NFATC1: variants seen among roughly 807,000 people sequenced by gnomAD.
NFATC1 encodes nuclear factor of activated T-cells, cytoplasmic 1.
Under a neutral mutation model 76.0 loss-of-function variants are expected in NFATC1, and 22 were observed. That is an observed-to-expected ratio of 0.29 (90% CI 0.21 to 0.41). The LOEUF (loss-of-function observed/expected upper bound fraction) is 0.41. NFATC1 is among the 10% of genes least tolerant of loss of function. The probability of loss-of-function intolerance (pLI) is 1.00; values close to 1 mark genes in which losing one functional copy is unlikely to be tolerated. For missense variants in NFATC1, 1,357 were observed against 1,337.7 expected (o/e 1.01, Z -0.23); for synonymous variants, 704 against 613.1 (o/e 1.15, Z -2.19).
At chr18:79,494,827 G>A (rs1248247749) in intron 9 of NFATC1, among the ~76,000 whole-genome samples, 4 of 111,238 alleles carry the variant, frequency 3.6e-5, no homozygotes, top group Non-Finnish European at 5.6e-5. Context: ...AGGCGAGAGC[G>A]GGCACACGCC....
At chr18:79,437,342 C>T (rs1439934823) in intron 3 of NFATC1, among the ~76,000 whole-genome samples, 1 of 152,206 alleles carries the variant, frequency 6.6e-6, no homozygotes, top group Non-Finnish European at 1.5e-5. Flanking sequence ...ACAGAGCCTC[C>T]CAGAGGCTTC....
chr18:79,482,810 CGTG>C (rs1208565915), intron 8 of NFATC1, among the ~76,000 whole-genome samples: 2 of 118,578 alleles, frequency 1.7e-5, no homozygotes, highest in African/African-American at 6.4e-5. Flanking sequence ...GTCACTTCAG[CGTG>C]ACCTGGTCCG....
At chr18:79,476,386 C>T (rs1247581978) in intron 8 of NFATC1, among the ~76,000 whole-genome samples, 1 of 152,252 alleles carries the variant, frequency 6.6e-6, no homozygotes, top group Non-Finnish European at 1.5e-5. Flanking sequence ...CGAGGATTGG[C>T]GAAAGCCGAC....
intron 1 of NFATC1, chr18:79,400,329 G>A (rs990292888): frequency 3.7e-6 from 5 of 1,356,932 alleles, no homozygotes; most frequent in Admixed American, 3.5e-5. Flanking sequence ...GGGCAGCGCC[G>A]GGAGAACCGA....
intron 8 of NFATC1, among the ~76,000 whole-genome samples, chr18:79,482,429 G>A (rs1600876014): frequency 1.4e-5 from 2 of 141,246 alleles, no homozygotes; most frequent in East Asian, 4.5e-4. Flanking sequence ...ATTCCAGCGT[G>A]ACCTGGTCCT....
At chr18:79,508,162 C>T (rs940808281) in intron 9 of NFATC1, among the ~76,000 whole-genome samples, 2 of 152,104 alleles carry the variant, frequency 1.3e-5, no homozygotes, top group Admixed American at 1.3e-4. Context: ...TCTGGGATTC[C>T]CAGACTCCCA....
chr18:79,457,455 G>A (rs2280052), intron 6 of NFATC1, among the ~76,000 whole-genome samples: 32,511 of 152,152 alleles, frequency 0.21, 4,006 homozygotes, highest in East Asian at 0.37. Flanking sequence ...AGGAGGGGCC[G>A]GGCTTCTGGC....
chr18:79,413,703 G>A (rs1375881615), intron 2 of NFATC1, among the ~76,000 whole-genome samples: 3 of 152,244 alleles, frequency 2.0e-5, no homozygotes, highest in Non-Finnish European at 4.4e-5. Context: ...GCCTTTGAAA[G>A]CGCAAGCTCG....
chr18:79,490,475 A>G (rs2089646662), intron 9 of NFATC1, among the ~76,000 whole-genome samples: 1 of 151,892 alleles, frequency 6.6e-6, no homozygotes, highest in South Asian at 2.1e-4. Flanking sequence ...ATGGTGGGGT[A>G]GTCCCTGATA....
At chr18:79,459,082 CT>C (rs981335931) in intron 6 of NFATC1, among the ~76,000 whole-genome samples, 2 of 152,216 alleles carry the variant, frequency 1.3e-5, no homozygotes, top group African/African-American at 4.8e-5. Context: ...CAGCCGGGGT[CT>C]TTGAGGAAGG....
At chr18:79,436,538 C>T (rs670588) in intron 3 of NFATC1, among the ~76,000 whole-genome samples, 1 of 152,136 alleles carries the variant, frequency 6.6e-6, no homozygotes, top group Non-Finnish European at 1.5e-5. Flanking sequence ...CCGCACCCGG[C>T]GTCCGCGTCC....
At chr18:79,463,752 G>T (rs560110730) in intron 7 of NFATC1, among the ~76,000 whole-genome samples, 8 of 152,198 alleles carry the variant, frequency 5.3e-5, no homozygotes, top group African/African-American at 1.9e-4. Flanking sequence ...GCCTGGCCTC[G>T]TGCTGCCTAC....
At chr18:79,409,617 T>G (rs2085587046) in intron 1 of NFATC1, among the ~76,000 whole-genome samples, 1 of 152,126 alleles carries the variant, frequency 6.6e-6, no homozygotes, top group South Asian at 2.1e-4. Context: ...CTACCTACTC[T>G]CCATCTACCC....
At chr18:79,406,439 G>A (rs985923099) in intron 1 of NFATC1, among the ~76,000 whole-genome samples, 4 of 152,090 alleles carry the variant, frequency 2.6e-5, no homozygotes, top group African/African-American at 7.2e-5. Context: ...CCCCGTGATC[G>A]GATCCACGCT....
chr18:79,474,179 C>G (rs184199077), intron 8 of NFATC1, among the ~76,000 whole-genome samples: 1 of 108,922 alleles, frequency 9.2e-6, no homozygotes, highest in African/African-American at 4.1e-5. Context: ...CGCTCGCTGT[C>G]GACGTAAACC....
chr18:79,429,502 G>T (rs1335383725), intron 2 of NFATC1, among the ~76,000 whole-genome samples: 1 of 152,152 alleles, frequency 6.6e-6, no homozygotes, highest in Non-Finnish European at 1.5e-5. Context: ...TGCCGTTCCG[G>T]GGGATGGGCT....
At chr18:79,505,669 G>T (rs1450104432) in intron 9 of NFATC1, among the ~76,000 whole-genome samples, 1 of 145,086 alleles carries the variant, frequency 6.9e-6, no homozygotes, top group Non-Finnish European at 1.5e-5. Context: ...TGATGGAAGA[G>T]GCAGGAGACT....
intron 7 of NFATC1, among the ~76,000 whole-genome samples, chr18:79,464,702 A>ATATATATATATATAT (rs1425452711): frequency 7.2e-5 from 5 of 69,314 alleles, no homozygotes; most frequent in Admixed American, 1.3e-4. Context: ...ATATTTATTT[A>ATATATATATATATAT]TTTATTTATT....
intron 8 of NFATC1, among the ~76,000 whole-genome samples, chr18:79,484,136 G>C (rs530446556): frequency 6.6e-6 from 1 of 151,958 alleles, no homozygotes; most frequent in African/African-American, 2.4e-5. Flanking sequence ...GAGCACACCC[G>C]TTCTCCCTCC....
Sources: gnomAD v4.1 joint callset for allele counts (sites outside exome capture counted in the v4.1 genomes callset) on GRCh38, gnomAD v4.1.1 for gene constraint, MANE v1.5 for transcripts, NCBI Gene and HGNC (gene_info 2026-07-23, HGNC 2026-07-21) for gene names.